Variants in LRRC4C observed in about 807,000 individuals in gnomAD.
The protein encoded by LRRC4C is leucine rich repeat containing 4C.
Under a neutral mutation model 33.6 loss-of-function variants are expected in LRRC4C, and 5 were observed. That is an observed-to-expected ratio of 0.15 (90% CI 0.08 to 0.31). The LOEUF is 0.31. LRRC4C is among the 10% of genes least tolerant of loss of function. The pLI is 1.00. For missense variants in LRRC4C, 560 were observed against 796.7 expected (o/e 0.70, Z 3.58); for synonymous variants, 329 against 302.0 (o/e 1.09, Z -0.93).
intron 2 of LRRC4C, among the ~76,000 whole-genome samples, chr11:40,830,106 ACGG>A (rs1315630464): frequency 1.3e-5 from 2 of 151,988 alleles, no homozygotes; most frequent in African/African-American, 4.8e-5. Flanking sequence ...AAAAACAAGC[ACGG>A]GCTATTAAGA....
chr11:41,376,148 AT>A (rs202073647), intron 1 of LRRC4C, among the ~76,000 whole-genome samples: 10 of 151,972 alleles, frequency 6.6e-5, no homozygotes, highest in East Asian at 1.9e-4. Context: ...GAAAAAAAAA[AT>A]AAACTCTAAA....
chr11:40,660,090 G>T (rs563543939), intron 2 of LRRC4C, among the ~76,000 whole-genome samples: 1 of 152,304 alleles, frequency 6.6e-6, no homozygotes, highest in South Asian at 2.1e-4. Context: ...CATTCTCCTT[G>T]TCCACACACA....
intron 1 of LRRC4C, among the ~76,000 whole-genome samples, chr11:41,223,561 G>A (rs56183886): frequency 1.1e-3 from 167 of 152,304 alleles, no homozygotes; most frequent in Non-Finnish European, 1.6e-3. Flanking sequence ...TCAATATGGA[G>A]AAGTACAAAT....
intron 1 of LRRC4C, among the ~76,000 whole-genome samples, chr11:41,195,706 G>A (rs1026496703): frequency 1.3e-5 from 2 of 152,070 alleles, no homozygotes; most frequent in Non-Finnish European, 2.9e-5. Context: ...ATGGAATGGA[G>A]GAAGGCCTTA....
intron 3 of LRRC4C, among the ~76,000 whole-genome samples, chr11:40,346,204 T>C (rs867552347): frequency 7.9e-5 from 12 of 152,272 alleles, no homozygotes; most frequent in African/African-American, 2.6e-4. Context: ...ACTGCATATA[T>C]ACCCAAATGA....
intron 4 of LRRC4C, among the ~76,000 whole-genome samples, chr11:40,268,919 T>G (rs1942483461): frequency 1.3e-5 from 2 of 152,272 alleles, no homozygotes; most frequent in Admixed American, 6.5e-5. Context: ...GTAGAATCAC[T>G]TAAGTAGCTT....
intron 3 of LRRC4C, among the ~76,000 whole-genome samples, chr11:40,610,023 C>T (rs943767729): frequency 6.6e-6 from 1 of 151,880 alleles, no homozygotes; most frequent in African/African-American, 2.4e-5. Context: ...AAAGAGGCAA[C>T]AGTTCCAAAC....
intron 1 of LRRC4C, among the ~76,000 whole-genome samples, chr11:41,263,237 T>A (rs1337205280): frequency 6.6e-6 from 1 of 152,150 alleles, no homozygotes; most frequent in Non-Finnish European, 1.5e-5. Context: ...TTATTATTGA[T>A]TTTTTGACTC....
At chr11:41,351,993 C>T (rs1228087646) in intron 1 of LRRC4C, among the ~76,000 whole-genome samples, 3 of 152,154 alleles carry the variant, frequency 2.0e-5, no homozygotes, top group Admixed American at 2.0e-4. Flanking sequence ...AAGCAGCTAA[C>T]AACACAATGA....
chr11:41,050,486 C>T (rs1191998281), intron 1 of LRRC4C, among the ~76,000 whole-genome samples: 1 of 152,090 alleles, frequency 6.6e-6, no homozygotes, highest in African/African-American at 2.4e-5. Flanking sequence ...TATTCCCCTC[C>T]CTGTGTCCAT....
intron 2 of LRRC4C, among the ~76,000 whole-genome samples, chr11:40,871,632 A>C (rs921875753): frequency 6.6e-6 from 1 of 152,046 alleles, no homozygotes; most frequent in African/African-American, 2.4e-5. Flanking sequence ...TCCACACTAC[A>C]TCCAAATGGC....
chr11:40,989,245 T>C (rs1244212419), intron 1 of LRRC4C, among the ~76,000 whole-genome samples: 1 of 152,208 alleles, frequency 6.6e-6, no homozygotes, highest in African/African-American at 2.4e-5. Flanking sequence ...CATTGCTCAT[T>C]AGACATTTTA....
intron 1 of LRRC4C, among the ~76,000 whole-genome samples, chr11:41,359,341 C>T (rs925716355): frequency 3.3e-5 from 5 of 151,942 alleles, no homozygotes; most frequent in African/African-American, 9.7e-5. Flanking sequence ...ATAAACTATG[C>T]GCTTTAGGTG....
intron 6 of LRRC4C, among the ~76,000 whole-genome samples, chr11:40,126,496 A>G (rs1357245306): frequency 1.3e-5 from 2 of 152,218 alleles, no homozygotes; most frequent in Admixed American, 1.3e-4. Context: ...TATGTCTTCA[A>G]GAACTTTCCA....
intron 1 of LRRC4C, among the ~76,000 whole-genome samples, chr11:41,165,625 C>T (rs1872792): frequency 0.97 from 147,777 of 152,228 alleles, 71,895 homozygotes; most frequent in East Asian, 1. Flanking sequence ...GTAAGTTTAT[C>T]ATATAAAATT....
chr11:41,022,961 A>G (rs1341567396), intron 1 of LRRC4C, among the ~76,000 whole-genome samples: 1 of 151,994 alleles, frequency 6.6e-6, no homozygotes, highest in Non-Finnish European at 1.5e-5. Context: ...CTCACAGAAA[A>G]TCACTAACTC....
intron 3 of LRRC4C, among the ~76,000 whole-genome samples, chr11:40,495,861 G>C: frequency 9.8e-6 from 1 of 101,948 alleles, no homozygotes; most frequent in Non-Finnish European, 1.9e-5. Flanking sequence ...AGAGAGTCTC[G>C]CATTATCGCC....
intron 1 of LRRC4C, among the ~76,000 whole-genome samples, chr11:41,121,401 A>T (rs1942423645): frequency 6.6e-6 from 1 of 152,172 alleles, no homozygotes; most frequent in Admixed American, 6.5e-5. Flanking sequence ...TTCTGAAAAT[A>T]GCTACTTTAC....
At chr11:41,306,427 T>C (rs1354434137) in intron 1 of LRRC4C, among the ~76,000 whole-genome samples, 1 of 152,230 alleles carries the variant, frequency 6.6e-6, no homozygotes, top group Non-Finnish European at 1.5e-5. Flanking sequence ...TATCTACTCC[T>C]CTTCGAAATA....
Sources: allele counts gnomAD v4.1 joint callset (sites outside exome capture counted in the v4.1 genomes callset), GRCh38; gene constraint gnomAD v4.1.1; transcripts MANE v1.5; gene names NCBI Gene and HGNC (gene_info 2026-07-23, HGNC 2026-07-21).